The following GREB1L variants were observed in gnomAD, a reference collection of about 807,000 sequenced individuals.
The protein encoded by GREB1L is GREB1 like retinoic acid receptor coactivator, also known as GREB1-like protein.
Under a neutral mutation model 200.8 loss-of-function variants are expected in GREB1L, and 17 were observed. The observed-to-expected ratio is 0.08, with a 90% CI of 0.06 to 0.13. The LOEUF is 0.13. Among genes scored for constraint, GREB1L ranks in the 10% least tolerant of loss-of-function variants. The pLI, the probability that GREB1L is intolerant of heterozygous loss-of-function variation, is 1.00. For synonymous variants in GREB1L, 789 were observed against 893.0 expected (o/e 0.88, Z 2.08); for missense variants, 1,657 against 2,367.7 (o/e 0.70, Z 6.23).
intron 1 of GREB1L, among the ~76,000 whole-genome samples, chr18:21,336,588 T>C (rs571499187): frequency 6.6e-5 from 10 of 152,376 alleles, no homozygotes; most frequent in African/African-American, 2.4e-4. Flanking sequence ...AAGGAAACTT[T>C]GAATAAGCAC....
At chr18:21,438,318 A>C (rs2033673644) in intron 7 of GREB1L, among the ~76,000 whole-genome samples, 1 of 152,184 alleles carries the variant, frequency 6.6e-6, no homozygotes, top group African/African-American at 2.4e-5. Context: ...TGCTAATTTT[A>C]AGTATAGCAA....
In GREB1L at chr18:21,523,101, T is replaced by C. The variant is rs1482489380; in HGVS notation, c.*280T>C. On this transcript the variant is annotated 3_prime_UTR_variant, in exon 33 of 33. Transcript: ENST00000424526. ...TGCCCATGGGATCCTGAGGAGGATA[T>C]ACTTTGGAGAGTGAATATGGAGTTT... 1 of 271,712 alleles carries C rather than the reference T, an allele frequency of 3.7e-6. No homozygotes were observed. The highest frequency in any genetic ancestry group is 6.9e-6 in the Non-Finnish European group (1 of 145,626). 16.8% of individuals were successfully genotyped at this position (271,712 alleles called of 1,614,324 possible). A position where few individuals can be genotyped will look rare whatever the true frequency, so the allele number is the denominator to read the frequency against.
chr18:21,360,249 C>T lies in GREB1L; in HGVS notation c.-119-5778C>T, dbSNP rs901051841. On this transcript the variant is annotated intron_variant, in intron 1 of 32. Coordinates refer to ENST00000424526, the MANE Select transcript of GREB1L (RefSeq NM_001142966.3). ...TTATTATTTCTTTGAGACGAAGTCT[C>T]GCTCTGTCATCCAGGCTGGAGTGCA... Among the ~76,000 whole-genome samples, 5 of 152,340 alleles carry T rather than the reference C, an allele frequency of 3.3e-5. No homozygotes were observed. The South Asian group carries it at 8.3e-4, about 25-fold the overall frequency.
At chr18:21,418,307 T>C (rs975257540) in intron 7 of GREB1L, among the ~76,000 whole-genome samples, 18 of 152,112 alleles carry the variant, frequency 1.2e-4, no homozygotes, top group Non-Finnish European at 5.9e-5. Flanking sequence ...TGATACAAAA[T>C]TTGCAGAAGC....
intron 17 of GREB1L, among the ~76,000 whole-genome samples, chr18:21,484,372 A>G (rs1212533278): frequency 6.6e-6 from 1 of 151,736 alleles, no homozygotes; most frequent in African/African-American, 2.4e-5. Context: ...ATGGGGTTTC[A>G]CCATATTGGC....
At chr18:21,322,171 C>T (rs1436000848) in intron 1 of GREB1L, among the ~76,000 whole-genome samples, 2 of 151,816 alleles carry the variant, frequency 1.3e-5, no homozygotes, top group South Asian at 2.1e-4. Context: ...AAGTAAGTAG[C>T]GTATATGTAT....
At chr18:21,338,445 T>C (rs538378509) in intron 1 of GREB1L, among the ~76,000 whole-genome samples, 3 of 152,402 alleles carry the variant, frequency 2.0e-5, no homozygotes, top group Admixed American at 2.0e-4. Flanking sequence ...ATATAGCCCA[T>C]GCTGTAGCCA....
intron 7 of GREB1L, among the ~76,000 whole-genome samples, chr18:21,429,536 G>A (rs888534857): frequency 1.3e-5 from 2 of 151,694 alleles, no homozygotes; most frequent in Middle Eastern, 3.4e-3. Context: ...GGTAATATTG[G>A]CCTTAAGAAG....
At chr18:21,289,543 C>T (rs201922313) in intron 1 of GREB1L, among the ~76,000 whole-genome samples, 4 of 151,242 alleles carry the variant, frequency 2.6e-5, no homozygotes, top group South Asian at 4.2e-4. Context: ...ACCATCCCCC[C>T]CCGCAAAAAA....
At chr18:21,246,615 G>A (rs1348139349) in intron 1 of GREB1L, among the ~76,000 whole-genome samples, 2 of 152,032 alleles carry the variant, frequency 1.3e-5, no homozygotes, top group Admixed American at 6.6e-5. Context: ...GACATATAGG[G>A]GTGGTCAGTT....
chr18:21,406,500 A>C (rs1201409989), intron 7 of GREB1L, among the ~76,000 whole-genome samples: 1 of 152,254 alleles, frequency 6.6e-6, no homozygotes, highest in Non-Finnish European at 1.5e-5. Flanking sequence ...TTTTGTGTTA[A>C]TGAATTATGT....
intron 6 of GREB1L, chr18:21,401,735 A>G (rs2041326093): frequency 6.4e-6 from 1 of 155,544 alleles, no homozygotes; most frequent in Non-Finnish European, 1.4e-5. Flanking sequence ...CTTAGAATAA[A>G]CATTAATGTT....
Position 21,490,094 on chromosome 18 carries a change from A to G in GREB1L, c.2773A>G (p.Met925Val). The change falls in exon 19 of 33, where the codon ATG becomes GTG. Residue 925 changes from methionine to valine, a missense_variant. Physicochemically the swap from Met to Val is conservative, Grantham distance 21. This residue lies in a region of GREB1L where 82 missense variants were observed against 95.9 expected (regional missense o/e 0.85). Transcript: ENST00000424526. ...TGAGGCCCTGATGGCTCTCACCACCATGGCGTCACTCCGCGACCACAGCAC... is the reference window on the plus strand; with the variant it reads ...TGAGGCCCTGATGGCTCTCACCACCGTGGCGTCACTCCGCGACCACAGCAC... ...YSEALMALTT[M>V]ASLRDHSTPE... is the part of the protein sequence containing the mutation. The G allele has an allele frequency of 6.4e-7, 1 of 1,551,832 alleles. No homozygotes were observed. The highest frequency in any genetic ancestry group is 8.7e-7 in the Non-Finnish European group (1 of 1,147,020).
At chr18:21,492,978 C>T (rs1298903897) in intron 19 of GREB1L, among the ~76,000 whole-genome samples, 2 of 152,036 alleles carry the variant, frequency 1.3e-5, no homozygotes, top group African/African-American at 2.4e-5. Context: ...TAAACAAGTC[C>T]CAAATTCTCA....
At chr18:21,512,888 T>C (rs2037290064) in intron 27 of GREB1L, among the ~76,000 whole-genome samples, 1 of 152,210 alleles carries the variant, frequency 6.6e-6, no homozygotes, top group Admixed American at 6.5e-5. Flanking sequence ...GTTTTACCCT[T>C]GATCTGTTCA....
chr18:21,329,969 TGGG>T (rs34186385), intron 1 of GREB1L, among the ~76,000 whole-genome samples: 1 of 129,310 alleles, frequency 7.7e-6, no homozygotes, highest in African/African-American at 2.9e-5. Context: ...GTTTTTTTTT[TGGG>T]GGGGGGGGGT....
chr18:21,411,704 T>C (rs2144704293), intron 7 of GREB1L, among the ~76,000 whole-genome samples: 1 of 152,270 alleles, frequency 6.6e-6, no homozygotes, highest in Non-Finnish European at 1.5e-5. Context: ...TTCATGGCAG[T>C]GTTCTTCACA....
At chr18:21,483,050 CTTCTAA>C (rs2035983878) in intron 17 of GREB1L, among the ~76,000 whole-genome samples, 1 of 152,196 alleles carries the variant, frequency 6.6e-6, no homozygotes, top group African/African-American at 2.4e-5. Context: ...AAACCATTCA[CTTCTAA>C]TTCTAATTTT....
intron 1 of GREB1L, among the ~76,000 whole-genome samples, chr18:21,262,898 A>G (rs1308313653): frequency 5.3e-5 from 8 of 152,232 alleles, no homozygotes; most frequent in Admixed American, 5.2e-4. Flanking sequence ...GCCATGCCTA[A>G]GAAACGATGG....
Sources: gnomAD v4.1 joint callset for allele counts (sites outside exome capture counted in the v4.1 genomes callset) on GRCh38, gnomAD v4.1.1 for gene constraint, gnomAD v4.1.1 regional missense constraint, MANE v1.5 for transcripts, NCBI Gene and HGNC (gene_info 2026-07-23, HGNC 2026-07-21) for gene names.